ZNF596: variants seen among roughly 807,000 people sequenced by gnomAD.
ZNF596 encodes zinc finger protein 596.
ZNF596 carries 45 observed loss-of-function variants against 48.3 expected under a neutral mutation model. That is an observed-to-expected ratio of 0.93 (90% CI 0.73 to 1.19). The LOEUF is 1.19. Ranked by LOEUF, ZNF596 falls within the 50% of genes most tolerant of loss-of-function variation. The pLI, the probability that ZNF596 is intolerant of heterozygous loss-of-function variation, is 0.00. For missense variants in ZNF596, 848 were observed against 599.7 expected, an observed-to-expected ratio of 1.41 and a Z score of -4.32; for synonymous variants, 270 against 202.0, an observed-to-expected ratio of 1.34 and a Z score of -2.85.
intron 1 of ZNF596, among the ~76,000 whole-genome samples, chr8:239,271 C>T (rs1426469314): frequency 6.6e-6 from 1 of 152,216 alleles, no homozygotes; most frequent in Non-Finnish European, 1.5e-5. Context: ...TCACTGCAAC[C>T]TCCACCTCCC....
At chr8:243,969 C>G in intron 4 of ZNF596, 164 bp downstream of exon 4, 1 of 483,090 alleles carries the variant, frequency 2.1e-6, no homozygotes, top group Non-Finnish European at 3.7e-6. Flanking sequence ...CTCACTGCAA[C>G]CTCTGCTTCC....
At chr8:234,606 G>C (rs1424393085) in intron 1 of ZNF596, 3 of 152,228 alleles carry the variant, frequency 2.0e-5, no homozygotes, top group Non-Finnish European at 4.4e-5. Flanking sequence ...AAAAAGTCAT[G>C]TTATTCATTG....
Position 243,736 on chromosome 8 carries a change from A to C in ZNF596, c.154A>C (p.Lys52Gln). ...CCCCAAAACAGGCAAACAGCTCTGC[A>C]AATCAGTTGTGCTTTCCCAATTGGA... ...HLVSIGKQLC[K>Q]SVVLSQLEQV... is the part of the protein sequence containing the mutation. The change falls in exon 4 of 6, where the codon AAA (lysine) becomes CAA (glutamine). Residue 52 changes from lysine to glutamine, a missense_variant. By Grantham distance (53) the Lys-to-Gln change is moderately conservative (BLOSUM62 1). Coordinates refer to ENST00000398612, the MANE Select transcript of ZNF596 (RefSeq NM_001042416.3). The C allele has an allele frequency of 6.2e-7, 1 of 1,613,694 alleles. No homozygotes were observed. Among genetic ancestry groups the C allele is most frequent in the Admixed American group, 1.7e-5 (1 of 60,006 alleles).
chr8:245,941 G>A lies in ZNF596; in HGVS notation c.1094G>A (p.Cys365Tyr), dbSNP rs754785761. The change falls in exon 6 of 6, where the codon TGT (cysteine) becomes TAT (tyrosine). Residue 365 changes from cysteine (C) to tyrosine (Y), a missense_variant. Coordinates refer to ENST00000398612, the MANE Select transcript of ZNF596 (RefSeq NM_001042416.3). ...RSHNGEKPHG[C>Y]HLCGKAFTES... Reference sequence around the variant, plus strand: ...CACAATGGAGAGAAACCACATGGATGTCATCTATGTGGGAAAGCATTCACT... The same window carrying A: ...CACAATGGAGAGAAACCACATGGATATCATCTATGTGGGAAAGCATTCACT... 1.1e-5 allele frequency: 17 copies of A among 1,614,130 alleles called. No homozygotes were observed. The highest frequency in any genetic ancestry group is 1.4e-5 in the Non-Finnish European group (17 of 1,180,030).
intron 1 of ZNF596, among the ~76,000 whole-genome samples, chr8:238,271 G>C (rs1796700092): frequency 1.3e-5 from 2 of 152,062 alleles, no homozygotes; most frequent in South Asian, 4.1e-4. Context: ...AGAAAGCACA[G>C]ACCCCTTAGA....
chr8:246,083 T>G lies in ZNF596; in HGVS notation c.1236T>G (p.Thr412=), dbSNP rs1797072581. Reference sequence around the variant, plus strand: ...CTGACCTCAGACGACATGAGAGAACTCACACTGGAGAAAAACCATATGAAT... The same window carrying G: ...CTGACCTCAGACGACATGAGAGAACGCACACTGGAGAAAAACCATATGAAT... ...ESSDLRRHER[T]HTGEKPYECH... is the part of the protein sequence containing the mutation. Residue 412 remains threonine, a synonymous_variant, in exon 6 of 6, where the codon ACT becomes ACG. Transcript: ENST00000398612. 1 of 1,613,994 alleles carries G rather than the reference T, an allele frequency of 6.2e-7. No individual in the cohort carries two copies. The highest frequency in any genetic ancestry group is 1.7e-5 in the Admixed American group (1 of 60,028).
At position 245,318 on chromosome 8, in the gene ZNF596, C is replaced by G; in HGVS notation, c.471C>G (p.His157Gln). 2.5e-6 allele frequency: 4 copies of G among 1,614,060 alleles called. No individual in the cohort carries two copies. Among genetic ancestry groups the G allele is most frequent in the Non-Finnish European group, 3.4e-6 (4 of 1,179,990 alleles). ...IFSDWLSFNQ[H>Q]KEIHTKCKSY... ...GTGACTGGTTATCCTTTAATCAACA[C>G]AAGGAAATTCACACCAAATGTAAAT... Residue 157 changes from histidine (H) to glutamine (Q), a missense_variant, in exon 6 of 6, where the codon CAC (histidine) becomes CAG (glutamine). By Grantham distance (24) the His-to-Gln change is conservative. Transcript: ENST00000398612.
Position 242,991 on chromosome 8 carries a change from C to G in ZNF596, c.117C>G (p.Asn39Lys). 1 of 1,612,006 alleles carries G rather than the reference C, an allele frequency of 6.2e-7. No homozygotes were observed. The highest frequency in any genetic ancestry group is 8.5e-7 in the Non-Finnish European group (1 of 1,178,452). The change falls in exon 3 of 6, where the codon AAC becomes AAG. Residue 39 changes from asparagine to lysine, a missense_variant. Asn to Lys is a moderately conservative substitution (Grantham distance 94). Coordinates refer to ENST00000398612, the MANE Select transcript of ZNF596 (RefSeq NM_001042416.3). ...RKLFQDVMLE[N>K]ISHLVSIGKQ... ...TGTTTCAAGATGTGATGTTGGAGAA[C>G]ATCAGTCATCTGGTCTCTATTGGTG... is the stretch of plus-strand genomic sequence containing the variant.
At chr8:235,661 G>A (rs192724640) in intron 1 of ZNF596, among the ~76,000 whole-genome samples, 2 of 151,848 alleles carry the variant, frequency 1.3e-5, no homozygotes, top group African/African-American at 4.8e-5. Flanking sequence ...TTATATGTAC[G>A]CACACACAAA....
intron 1 of ZNF596, 87 bp from the exon 2 acceptor site, chr8:240,737 G>T: frequency 1.2e-6 from 1 of 821,022 alleles, no homozygotes; most frequent in Non-Finnish European, 2.0e-6. Context: ...CTTGTTGGTT[G>T]GACTGGGGCT....
chr8:245,163 A>G lies in ZNF596; in HGVS notation c.316A>G (p.Thr106Ala). ...TSTISTMRSH[T>A]QEDPFLCNDL... ...TCATTCCCAAAACCAGAGATCTCAT[A>G]CTCAAGAGGATCCTTTTCTATGCAA... is the stretch of plus-strand genomic sequence containing the variant. The change falls in exon 6 of 6, where the codon ACT (threonine) becomes GCT (alanine). Residue 106 changes from threonine to alanine, a missense_variant. Physicochemically the swap from Thr to Ala is moderately conservative, Grantham distance 58 (BLOSUM62 0). Transcript: ENST00000398612. The G allele has an allele frequency of 6.3e-7, 1 of 1,586,226 alleles. No individual in the cohort carries two copies. Among genetic ancestry groups the G allele is most frequent in the Non-Finnish European group, 8.6e-7 (1 of 1,166,310 alleles).
intron 4 of ZNF596, 52 bp from the exon 5 acceptor site, chr8:244,567 T>A: frequency 7.5e-7 from 1 of 1,327,578 alleles, no homozygotes; most frequent in South Asian, 1.2e-5. Context: ...CTATTTAACA[T>A]TTTTATTCCC....
intron 1 of ZNF596, among the ~76,000 whole-genome samples, chr8:240,088 G>A (rs1468274617): frequency 6.6e-6 from 1 of 152,222 alleles, no homozygotes; most frequent in Non-Finnish European, 1.5e-5. Context: ...AACTGGGGAT[G>A]AAAACCAAAC....
Position 232,615 on chromosome 8 carries a change from C to T in ZNF596, c.-152C>T, listed in dbSNP as rs1796450694. 1 of 335,852 alleles carries T rather than the reference C, an allele frequency of 3.0e-6. No homozygotes were observed. The highest frequency in any genetic ancestry group is 6.1e-6 in the Non-Finnish European group (1 of 163,442). 20.8% of individuals were successfully genotyped at this position (335,852 alleles called of 1,614,324 possible). On this transcript the variant is annotated 5_prime_UTR_variant, in exon 1 of 6. Coordinates refer to ENST00000398612, the MANE Select transcript of ZNF596 (RefSeq NM_001042416.3). ...CCAGATCTGCGTCTGTGTCCGGTTC[C>T]GTCACTGAGGTCGCCCCTGTCCGGC...
At chr8:244,554 G>C (rs1796982760) in intron 4 of ZNF596, 65 bp from the exon 5 acceptor site, 1 of 1,086,518 alleles carries the variant, frequency 9.2e-7, no homozygotes, top group Admixed American at 1.9e-5. Context: ...ATGGGCTTTG[G>C]AGCTATTTAA....
chr8:236,185 G>C (rs1358925583), intron 1 of ZNF596, among the ~76,000 whole-genome samples: 4 of 152,120 alleles, frequency 2.6e-5, no homozygotes, highest in Admixed American at 2.6e-4. Flanking sequence ...ATATTTGCCT[G>C]TTGTAAATAG....
intron 1 of ZNF596, among the ~76,000 whole-genome samples, chr8:238,607 C>A (rs571183756): frequency 8.1e-6 from 1 of 123,132 alleles, no homozygotes; most frequent in African/African-American, 3.3e-5. Context: ...TCAAAATCAG[C>A]TTTGCCAACA....
intron 3 of ZNF596, 116 bp from the exon 4 acceptor site, chr8:243,606 C>T: frequency 2.2e-6 from 2 of 907,132 alleles, no homozygotes; most frequent in Non-Finnish European, 3.5e-6. Flanking sequence ...GGTACTCTTC[C>T]CAGGCTGACC....
intron 1 of ZNF596, chr8:237,617 C>T (rs961580911): frequency 2.0e-5 from 3 of 152,138 alleles, no homozygotes; most frequent in Admixed American, 6.5e-5. Flanking sequence ...TTCATATTTA[C>T]TATTTATGTA....
Sources: gnomAD v4.1 joint callset for allele counts (sites outside exome capture counted in the v4.1 genomes callset) on GRCh38, gnomAD v4.1.1 for gene constraint, MANE v1.5 for transcripts, NCBI Gene and HGNC (gene_info 2026-07-23, HGNC 2026-07-21) for gene names.